MOV10L1: variants seen among roughly 807,000 people sequenced by gnomAD.
MOV10L1 encodes RNA helicase Mov10l1.
A neutral mutation model predicts 143.8 loss-of-function variants in MOV10L1; 110 were observed. That is an observed-to-expected ratio of 0.76 (90% confidence interval 0.66 to 0.90). The LOEUF (loss-of-function observed/expected upper bound fraction) is 0.90. Ranked by LOEUF, MOV10L1 falls within the 40% of genes least tolerant of loss-of-function variation. The probability of loss-of-function intolerance (pLI) is 0.00; values close to 1 mark genes in which losing one functional copy is unlikely to be tolerated. For synonymous variants in MOV10L1, 593 were observed against 581.1 expected (o/e 1.02, Z -0.29); for missense variants, 1,406 against 1,526.8 (o/e 0.92, Z 1.32).
At position 50,149,734 on chromosome 22, in the gene MOV10L1, T is replaced by C. The variant is rs200282796; in HGVS notation, c.2727+20T>C. 1.8e-4 allele frequency: 283 copies of C among 1,602,354 alleles called. No individual in the cohort carries two copies. In the African/African-American group the frequency reaches 3.6e-3, roughly 20 times the overall value. ...GGCCAGGTAAGTCCCGACTACTGTGTGTGCTGCTTCCTCCTCACCCCGTTC... is the reference window on the plus strand; with the variant it reads ...GGCCAGGTAAGTCCCGACTACTGTGCGTGCTGCTTCCTCCTCACCCCGTTC... On this transcript the variant is annotated intron_variant, in intron 20 of 26. Coordinates refer to ENST00000262794, the MANE Select transcript of MOV10L1 (RefSeq NM_018995.3).
intron 1 of MOV10L1, chr22:50,090,687 TG>T: frequency 2.4e-6 from 2 of 816,792 alleles, no homozygotes; most frequent in East Asian, 2.8e-5. Flanking sequence ...TGTGTGTGTG[TG>T]TGTGTGAGAC....
chr22:50,099,677 G>A (rs2062686547), intron 3 of MOV10L1, 75 bp downstream of exon 3: 1 of 1,504,136 alleles, frequency 6.6e-7, no homozygotes, highest in Non-Finnish European at 9.0e-7. Flanking sequence ...ACCAGGCACG[G>A]TGGCTCATGC....
intron 22 of MOV10L1, among the ~76,000 whole-genome samples, chr22:50,153,850 A>C (rs2147445470): frequency 6.6e-6 from 1 of 151,900 alleles, no homozygotes; most frequent in South Asian, 2.1e-4. Context: ...CCCCAGAAGA[A>C]GGGGCATTCA....
At chr22:50,145,951 T>C (rs2063141786) in intron 19 of MOV10L1, 141 bp downstream of exon 19, 3 of 1,342,416 alleles carry the variant, frequency 2.2e-6, no homozygotes, top group African/African-American at 2.9e-5. Context: ...GAAAGGCTGG[T>C]TGGGGAGGGC....
intron 1 of MOV10L1, chr22:50,090,676 T>TTGTGTG (rs150705221): frequency 4.8e-5 from 38 of 793,962 alleles, no homozygotes; most frequent in East Asian, 2.4e-4. Flanking sequence ...CCTGAGGTGT[T>TTGTGTG]TGTGTGTGTG....
At chr22:50,143,254 CTG>C in intron 17 of MOV10L1, 33 bp downstream of exon 17, 1 of 1,602,632 alleles carries the variant, frequency 6.2e-7, no homozygotes, top group Non-Finnish European at 8.5e-7. Flanking sequence ...TGCTGTGGCT[CTG>C]TGCTGCTGTT....
At chr22:50,140,215 ATATGAAG>A (rs1178136346) in intron 15 of MOV10L1, among the ~76,000 whole-genome samples, 3 of 152,218 alleles carry the variant, frequency 2.0e-5, no homozygotes, top group Non-Finnish European at 4.4e-5. Flanking sequence ...GTGTGCATTT[ATATGAAG>A]TATGAAGTTC....
chr22:50,090,816 A>G (rs1342980029), intron 1 of MOV10L1: 10 of 332,450 alleles, frequency 3.0e-5, no homozygotes, highest in Non-Finnish European at 4.5e-5. Context: ...AGCGGGGATT[A>G]TAGGCACCCG....
At position 50,159,696 on chromosome 22, in the gene MOV10L1, C is replaced by A; in HGVS notation, c.3235C>A (p.Leu1079Ile). 4 of 1,610,024 alleles carry A rather than the reference C, an allele frequency of 2.5e-6. No homozygotes were observed. The highest frequency in any genetic ancestry group is 1.3e-5 in the African/African-American group (1 of 74,784). Residue 1079 changes from leucine (L) to isoleucine (I), a missense_variant, in exon 24 of 27, where the codon CTT becomes ATT. Coordinates refer to ENST00000262794, the MANE Select transcript of MOV10L1 (RefSeq NM_018995.3). The surrounding 1 kb of genome is among the most constrained non-coding windows in gnomAD (Gnocchi z 4.1). ...YRKQVEKIRI[L>I]LRNVDLMDIK... ...TCTCAAGGTGGAGAAAATCAGAATT[C>A]TTTTGCGTAATGTTGATCTGATGGA...
At chr22:50,107,669 C>T (rs74765157) in intron 3 of MOV10L1, among the ~76,000 whole-genome samples, 12,754 of 152,216 alleles carry the variant, frequency 0.084, 632 homozygotes, top group South Asian at 0.17. Flanking sequence ...GTCTTGCGTC[C>T]GGCAGGCCAT....
intron 13 of MOV10L1, among the ~76,000 whole-genome samples, chr22:50,129,961 G>A (rs574996644): frequency 6.6e-6 from 1 of 152,242 alleles, no homozygotes; most frequent in South Asian, 2.1e-4. Flanking sequence ...ATCTTCTCCA[G>A]ATTTCTTCCT....
Position 50,115,181 on chromosome 22 carries a change from G to C in MOV10L1, c.1194G>C (p.Glu398Asp), listed in dbSNP as rs201718692. Reference sequence around the variant, plus strand: ...TTCTATCAAGGAAGCAGATGACAGAGCCTGAGCCTGGGGGGCTTGTCCCTC... The same window carrying C: ...TTCTATCAAGGAAGCAGATGACAGACCCTGAGCCTGGGGGGCTTGTCCCTC... ...DNILSRKQMT[E>D]PEPGGLVPPG... is the part of the protein sequence containing the mutation. Residue 398 changes from glutamate (E) to aspartate (D), a missense_variant, in exon 8 of 27, where the codon GAG (glutamate) becomes GAC (aspartate). Glu to Asp is a conservative substitution (Grantham distance 45, BLOSUM62 2). Transcript: ENST00000262794. The C allele has an allele frequency of 2.2e-5, 35 of 1,565,556 alleles. No homozygotes were observed. In the South Asian group the frequency reaches 4.0e-4, roughly 18 times the overall value.
intron 3 of MOV10L1, among the ~76,000 whole-genome samples, chr22:50,107,256 A>G (rs535730206): frequency 1.2e-3 from 172 of 147,744 alleles, no homozygotes; most frequent in African/African-American, 4.1e-3. Context: ...TTGTATTTTT[A>G]GTAGAGACGG....
At chr22:50,144,316 G>A (rs951533547) in intron 18 of MOV10L1, 73 bp downstream of exon 18, 1 of 1,506,754 alleles carries the variant, frequency 6.6e-7, no homozygotes, top group Non-Finnish European at 8.9e-7. Context: ...AAGTGGACAG[G>A]GGAGGGCAGG....
intron 6 of MOV10L1, 123 bp from the exon 7 acceptor site, chr22:50,114,258 G>A: frequency 8.3e-7 from 1 of 1,208,228 alleles, no homozygotes; most frequent in East Asian, 2.4e-5. Context: ...ATGACCTTTT[G>A]ACTTATATTC....
chr22:50,099,664 T>C (rs1040744014), intron 3 of MOV10L1, 62 bp downstream of exon 3: 28 of 1,551,506 alleles, frequency 1.8e-5, no homozygotes, highest in East Asian at 2.3e-5. Context: ...AGAATTGTTA[T>C]GGACCAGGCA....
Position 50,125,546 on chromosome 22 carries a change from A to C in MOV10L1, c.1724A>C (p.Glu575Ala). ...GTTCTGGAGGTCCCAGGGTTGGCCG[A>C]AGGGAGGCCTTCTCTCTACGCAGGT... ...LLVLEVPGLAEGRPSLYAGDK... is the reference protein window; with the variant it reads ...LLVLEVPGLAAGRPSLYAGDK... Residue 575 changes from glutamate (E) to alanine (A), a missense_variant, in exon 11 of 27, where the codon GAA becomes GCA. Coordinates refer to ENST00000262794, the MANE Select transcript of MOV10L1 (RefSeq NM_018995.3). The C allele has an allele frequency of 6.2e-7, 1 of 1,614,126 alleles. No individual in the cohort carries two copies. The highest frequency in any genetic ancestry group is 8.5e-7 in the Non-Finnish European group (1 of 1,180,014).
rs1351768728 is a variant in MOV10L1 at position 50,126,236 on chromosome 22, T to G, written c.1782T>G (p.Asn594Lys). 1 of 1,612,604 alleles carries G rather than the reference T, an allele frequency of 6.2e-7. No homozygotes were observed. The highest frequency in any genetic ancestry group is 1.3e-5 in the African/African-American group (1 of 75,024). The part of the protein sequence containing the change: ...DKLILKTQEY[N>K]GHAIEYISYV... ...TGATTTTAAAAACTCAAGAGTACAATGGACATGCCATCGAATACATCAGCT... is the reference window on the plus strand; with the variant it reads ...TGATTTTAAAAACTCAAGAGTACAAGGGACATGCCATCGAATACATCAGCT... The change falls in exon 12 of 27, where the codon AAT becomes AAG. Residue 594 changes from asparagine (N) to lysine (K), a missense_variant. By Grantham distance (94) the Asn-to-Lys change is moderately conservative. This residue lies in a region of MOV10L1 where 1,233 missense variants were observed against 1,351.4 expected (regional missense o/e 0.91). Coordinates refer to ENST00000262794, the MANE Select transcript of MOV10L1 (RefSeq NM_018995.3).
At chr22:50,153,617 G>A (rs1367710880) in intron 22 of MOV10L1, among the ~76,000 whole-genome samples, 1 of 152,192 alleles carries the variant, frequency 6.6e-6, no homozygotes, top group Admixed American at 6.5e-5. Context: ...TCGAGGGTTG[G>A]AGCTGTCAGG....
Sources: gnomAD v4.1 joint callset for allele counts (sites outside exome capture counted in the v4.1 genomes callset) on GRCh38, gnomAD v4.1.1 for gene constraint, gnomAD v4.1.1 regional missense constraint, Gnocchi (gnomAD v3.1) non-coding constraint, MANE v1.5 for transcripts, NCBI Gene and HGNC (gene_info 2026-07-23, HGNC 2026-07-21) for gene names.